The following TNRC18 variants were observed in gnomAD, a reference collection of about 807,000 sequenced individuals.
TNRC18 encodes the protein trinucleotide repeat-containing gene 18 protein.
Under a neutral mutation model 226.7 loss-of-function variants are expected in TNRC18, and 69 were observed. That is an observed-to-expected ratio of 0.30 (90% confidence interval 0.25 to 0.37). The LOEUF is 0.37. Among genes scored for constraint, TNRC18 ranks in the 10% least tolerant of loss-of-function variants. The pLI is 1.00. For missense variants in TNRC18, 4,754 were observed against 4,256.6 expected, an observed-to-expected ratio of 1.12 and a Z score of -3.25; for synonymous variants, 2,449 against 1,927.6, an observed-to-expected ratio of 1.27 and a Z score of -7.09.
chr7:5,410,623 TG>T (rs1417507260), intron 2 of TNRC18, among the ~76,000 whole-genome samples: 6 of 151,956 alleles, frequency 3.9e-5, no homozygotes, highest in Admixed American at 3.9e-4. Flanking sequence ...CTCAGCACTC[TG>T]GGAGACCGAG....
At chr7:5,418,355 G>A (rs1782320426) in intron 2 of TNRC18, among the ~76,000 whole-genome samples, 1 of 152,174 alleles carries the variant, frequency 6.6e-6, no homozygotes, top group Non-Finnish European at 1.5e-5. Context: ...CTTCTGCAGA[G>A]AAAGAGGCCA....
chr7:5,375,316 C>CAACAAA (rs1562573665), intron 9 of TNRC18, among the ~76,000 whole-genome samples: 3 of 147,660 alleles, frequency 2.0e-5, no homozygotes, highest in African/African-American at 7.6e-5. Context: ...CTCAAAAAAA[C>CAACAAA]AACAAAAACA....
At position 5,316,014 on chromosome 7, in the gene TNRC18, G is replaced by T; in HGVS notation, c.6804C>A (p.Asp2268Glu). Residue 2268 changes from aspartate (D) to glutamate (E), a missense_variant, in exon 25 of 30, where the codon GAC becomes GAA. Transcript: ENST00000430969. ...DLITVEFDDGDTGRIPLSHIR... is the reference protein window; with the variant it reads ...DLITVEFDDGETGRIPLSHIR... ...TATGTGAGAGGGGGATCCTGCCCGT[G>T]TCTCCGTCGTCAAACTCCACGGTGA... The T allele has an allele frequency of 6.2e-7, 1 of 1,604,254 alleles. No individual in the cohort carries two copies. The highest frequency in any genetic ancestry group is 8.5e-7 in the Non-Finnish European group (1 of 1,175,564).
In TNRC18 at chr7:5,394,405, G is replaced by A. The variant is rs1459618849; in HGVS notation, c.343+35C>T. ...CCAGAGTGGCTGGGACGTCAGCCCA[G>A]CAGCCCTCAGCCCCGACCCCGGCAT... On this transcript the variant is annotated intron_variant, in intron 3 of 29. Transcript: ENST00000430969. The surrounding 1 kb of genome is among the most constrained non-coding windows in gnomAD (Gnocchi z 4.5). 2.0e-6 allele frequency: 3 copies of A among 1,485,830 alleles called. No individual in the cohort carries two copies. Among genetic ancestry groups the A allele is most frequent in the Non-Finnish European group, 2.7e-6 (3 of 1,117,532 alleles). 92.0% of individuals were successfully genotyped at this position (1,485,830 alleles called of 1,614,324 possible). A position where few individuals can be genotyped will look rare whatever the true frequency, so the allele number is the denominator to read the frequency against.
chr7:5,391,935 T>A (rs1209950078), intron 3 of TNRC18, among the ~76,000 whole-genome samples: 1 of 149,352 alleles, frequency 6.7e-6, no homozygotes, highest in East Asian at 2.0e-4. Context: ...TGGGTAAGGG[T>A]CCTGATTCTC....
intron 2 of TNRC18, among the ~76,000 whole-genome samples, chr7:5,416,609 A>C (rs574684842): frequency 1.3e-5 from 2 of 151,280 alleles, no homozygotes; most frequent in Admixed American, 6.6e-5. Context: ...TAATCCCAGC[A>C]CTTTGGGAGG....
chr7:5,340,729 T>G (rs1583834415), intron 18 of TNRC18, among the ~76,000 whole-genome samples: 2 of 135,402 alleles, frequency 1.5e-5, no homozygotes, highest in Non-Finnish European at 1.6e-5. Flanking sequence ...GGCAACAGAG[T>G]GAGACTCCAT....
intron 2 of TNRC18, among the ~76,000 whole-genome samples, chr7:5,413,365 C>T (rs1183523877): frequency 6.6e-6 from 1 of 151,996 alleles, no homozygotes; most frequent in African/African-American, 2.4e-5. Context: ...ATTGAGTTCT[C>T]CTCCCTCCTT....
In TNRC18 at chr7:5,422,864, G is replaced by A. The variant is rs1015732759; in HGVS notation, c.-244+577C>T. 5.3e-5 allele frequency: 8 copies of A among 152,238 alleles called. 1 individual carries two copies. In the East Asian group the frequency reaches 9.6e-4, roughly 18 times the overall value. The allele number at this position is 152,238 out of a possible 1,614,324, so 9.4% of individuals were successfully genotyped here. The stretch of plus-strand genomic sequence containing the variant: ...CCACATCCGAGGATACATGTCTTAA[G>A]GAGGCGATGAGCTTCCCGTGATTTT... On this transcript the variant is annotated intron_variant, in intron 1 of 29. Transcript: ENST00000430969.
At position 5,376,207 on chromosome 7, in the gene TNRC18, C is replaced by T. The variant is rs1380848103; in HGVS notation, c.2626G>A (p.Ala876Thr). 7 of 1,509,424 alleles carry T rather than the reference C, an allele frequency of 4.6e-6. No individual in the cohort carries two copies. Among genetic ancestry groups the T allele is most frequent in the Middle Eastern group, 1.8e-4 (1 of 5,706 alleles). The allele number at this position is 1,509,424 out of a possible 1,614,324, so 93.5% of individuals were successfully genotyped here. A position where few individuals can be genotyped will look rare whatever the true frequency, so the allele number is the denominator to read the frequency against. Residue 876 changes from alanine (A) to threonine (T), a missense_variant, in exon 9 of 30, where the codon GCC becomes ACC. Coordinates refer to ENST00000430969, the MANE Select transcript of TNRC18 (RefSeq NM_001080495.3). Reference sequence around the variant, plus strand: ...GCGGGCCAGAGGGGCGGTACGGTGGCCCGCTCCATCAGCTCCGCTGCAGGG... The same window carrying T: ...GCGGGCCAGAGGGGCGGTACGGTGGTCCGCTCCATCAGCTCCGCTGCAGGG... ...LPHFAELMER[A>T]TVPPLWPALY...
At chr7:5,322,842 G>A (rs890227815) in intron 21 of TNRC18, among the ~76,000 whole-genome samples, 2 of 152,334 alleles carry the variant, frequency 1.3e-5, no homozygotes, top group African/African-American at 4.8e-5. Context: ...TGCTGTGCCT[G>A]CCTGTGGCCT....
chr7:5,353,440 T>A lies in TNRC18; in HGVS notation c.5195-1346A>T, dbSNP rs562007489. Among the ~76,000 whole-genome samples the A allele has an allele frequency of 2.6e-5, 4 of 151,868 alleles. No homozygotes were observed. In the East Asian group the frequency reaches 5.8e-4, roughly 22 times the overall value. ...GTATTGTAGTGGACAGGGCCTGTTA[T>A]CCCAGCTACTCCGGAGGCTGAGGTG... On this transcript the variant is annotated intron_variant, in intron 16 of 29. Coordinates refer to ENST00000430969, the MANE Select transcript of TNRC18 (RefSeq NM_001080495.3).
Position 5,387,882 on chromosome 7 carries a change from C to T in TNRC18, c.1942G>A (p.Gly648Ser), listed in dbSNP as rs1219871652. 3.1e-6 allele frequency: 5 copies of T among 1,591,314 alleles called. No homozygotes were observed. The highest frequency in any genetic ancestry group is 3.4e-6 in the Non-Finnish European group (4 of 1,171,272). Residue 648 changes from glycine to serine, a missense_variant, in exon 5 of 30, where the codon GGC becomes AGC. Transcript: ENST00000430969. Reference protein sequence around the residue: ...PHSGGPAAGGGRQLKRDPERP... With the variant: ...PHSGGPAAGGSRQLKRDPERP... ...TCGGGGTCCCGCTTCAGCTGCCGGC[C>T]GCCGCCCGCTGCAGGGCCTCCGGAG...
At position 5,321,096 on chromosome 7, in the gene TNRC18, C is replaced by A. The variant is rs1345599062; in HGVS notation, c.6537G>T (p.Val2179=). 6.4e-7 allele frequency: 1 copy of A among 1,552,578 alleles called. No homozygotes were observed. The part of the protein sequence containing the change: ...MDDKLLYAGH[V]QTVHSPDIYR... ...ACATGTCTGGCGAGTGCACGGTCTG[C>A]ACGTGCCCGGCGTACAGCAGCTTGT... The change falls in exon 22 of 30, where the codon GTG becomes GTT. Residue 2179 remains valine (V), a synonymous_variant. Coordinates refer to ENST00000430969, the MANE Select transcript of TNRC18 (RefSeq NM_001080495.3).
In TNRC18 at chr7:5,307,276, T is replaced by A; in HGVS notation, c.*830A>T. The A allele has an allele frequency of 1.3e-5, 2 of 149,484 alleles. No individual in the cohort carries two copies. Among genetic ancestry groups the A allele is most frequent in the African/African-American group, 2.4e-5 (1 of 41,034 alleles). 9.3% of individuals were successfully genotyped at this position (149,484 alleles called of 1,614,324 possible). ...GTTTATATATATATTTATATATATT[T>A]ATCTTTATATATATAATTAAAAAGT... On this transcript the variant is annotated 3_prime_UTR_variant, in exon 30 of 30. Coordinates refer to ENST00000430969, the MANE Select transcript of TNRC18 (RefSeq NM_001080495.3).
intron 19 of TNRC18, among the ~76,000 whole-genome samples, chr7:5,328,762 G>A (rs919141149): frequency 8.6e-5 from 13 of 151,650 alleles, no homozygotes; most frequent in East Asian, 2.0e-4. Context: ...CACCCGCCTC[G>A]GCCTCCCAAA....
At position 5,309,477 on chromosome 7, in the gene TNRC18, C is replaced by G. The variant is rs1250301645; in HGVS notation, c.8389-109G>C. The G allele has an allele frequency of 2.2e-5, 20 of 895,422 alleles. No individual in the cohort carries two copies. The South Asian group carries it at 2.7e-4, about 12-fold the overall frequency. The allele number at this position is 895,422 out of a possible 1,614,324, so 55.5% of individuals were successfully genotyped here. On this transcript the variant is annotated intron_variant, in intron 27 of 29. Coordinates refer to ENST00000430969, the MANE Select transcript of TNRC18 (RefSeq NM_001080495.3). The surrounding 1 kb of genome is among the most constrained non-coding windows in gnomAD (Gnocchi z 5.7). ...CTGGGCCCTCGGCCTCTAAATCAAC[C>G]CCTATCCAACTGTGGGGAGATGAGG...
In TNRC18 at chr7:5,345,501, T is replaced by G. The variant is rs1047571431; in HGVS notation, c.5719+61A>C. On this transcript the variant is annotated intron_variant, in intron 18 of 29. Transcript: ENST00000430969. The stretch of plus-strand genomic sequence containing the variant: ...AGCCTCAGTTTCCTCACCTGTGGGA[T>G]GGGGCAATGGCGTCCGCCCCTCCCA... The G allele has an allele frequency of 4.7e-6, 6 of 1,264,982 alleles. No individual in the cohort carries two copies. The African/African-American group carries it at 6.0e-5, about 13-fold the overall frequency. 78.4% of individuals were successfully genotyped at this position (1,264,982 alleles called of 1,614,324 possible).
rs1461276863 is a variant in TNRC18, at chr7:5,422,905, C to T, written c.-244+536G>A. The T allele has an allele frequency of 2.0e-5, 3 of 152,290 alleles. No homozygotes were observed. The East Asian group carries it at 5.8e-4, about 29-fold the overall frequency. The allele number at this position is 152,290 out of a possible 1,614,324, so 9.4% of individuals were successfully genotyped here. On this transcript the variant is annotated intron_variant, in intron 1 of 29. Coordinates refer to ENST00000430969, the MANE Select transcript of TNRC18 (RefSeq NM_001080495.3). ...CCGTGATTTTTTTTTGTAAGAGATT[C>T]TTTGGGTAGCTTTCTTTAAAAGCCA...
Sources: allele counts gnomAD v4.1 joint callset (sites outside exome capture counted in the v4.1 genomes callset), GRCh38; gene constraint gnomAD v4.1.1; non-coding constraint Gnocchi (gnomAD v3.1); transcripts MANE v1.5; gene names NCBI Gene and HGNC (gene_info 2026-07-23, HGNC 2026-07-21).